The following GALNT6 variants were observed in gnomAD, a reference collection of about 807,000 sequenced individuals.
GALNT6 encodes GalNAc transferase 6.
Under a neutral mutation model 65.9 loss-of-function variants are expected in GALNT6, and 51 were observed. The observed-to-expected ratio is 0.77, with a 90% confidence interval of 0.62 to 0.98. The LOEUF (loss-of-function observed/expected upper bound fraction) is 0.98, where lower values mean the gene tolerates loss of function less well. GALNT6 is among the 50% of genes least tolerant of loss of function. The probability of loss-of-function intolerance (pLI) is 0.00; values close to 1 mark genes in which losing one functional copy is unlikely to be tolerated. For missense variants in GALNT6, 708 were observed against 803.3 expected, an observed-to-expected ratio of 0.88 and a Z score of 1.43; for synonymous variants, 323 against 315.1, an observed-to-expected ratio of 1.02 and a Z score of -0.26.
At chr12:51,380,521 A>G (rs138912055) in intron 2 of GALNT6, among the ~76,000 whole-genome samples, 81 of 152,366 alleles carry the variant, frequency 5.3e-4, no homozygotes, top group Middle Eastern at 3.4e-3. Context: ...ATGTAAAAAC[A>G]TGCTAAAATT....
At position 51,379,671 on chromosome 12, in the gene GALNT6, G is replaced by A. The variant is rs144049708; in HGVS notation, c.111C>T (p.Ala37=). Residue 37 remains alanine (A), a synonymous_variant, in exon 3 of 12, where the codon GCC becomes GCT. Coordinates refer to ENST00000356317, the MANE Select transcript of GALNT6 (RefSeq NM_007210.4). ...GGGACTTCAGCCACGGCTTCTCTGT[G>A]GCCTCCTCTCTGCTGCTCACATCCC... ...LHRDVSSREE[A]TEKPWLKSLV... 8.4e-4 allele frequency: 1,354 copies of A among 1,614,146 alleles called. 1 individual carries two copies. Among genetic ancestry groups the A allele is most frequent in the Middle Eastern group, 5.9e-3 (36 of 6,060 alleles).
intron 4 of GALNT6, among the ~76,000 whole-genome samples, chr12:51,368,224 G>A (rs1053059066): frequency 3.5e-5 from 5 of 144,818 alleles, no homozygotes; most frequent in African/African-American, 7.4e-5. Context: ...GCTTCCTCTC[G>A]CAGTCACCCA....
intron 2 of GALNT6, among the ~76,000 whole-genome samples, chr12:51,380,417 T>C (rs1448500685): frequency 2.0e-5 from 3 of 152,166 alleles, no homozygotes; most frequent in Admixed American, 6.5e-5. Context: ...TGACCAAGAA[T>C]GAACCACTTC....
At chr12:51,354,542 G>A (rs2288369) in intron 11 of GALNT6, 50 bp from the exon 12 acceptor site, 822,544 of 1,171,342 alleles carry the variant, frequency 0.7, 296,281 homozygotes, top group Non-Finnish European at 0.76. Flanking sequence ...ACCTCTTAAC[G>A]GTGCTACCAG....
At chr12:51,375,974 C>CCAG (rs1947440634) in intron 4 of GALNT6, among the ~76,000 whole-genome samples, 1 of 151,956 alleles carries the variant, frequency 6.6e-6, no homozygotes. Context: ...GATTCTTGTG[C>CCAG]CTCAGCCTCC....
chr12:51,367,008 A>C (rs960904489), intron 4 of GALNT6, among the ~76,000 whole-genome samples: 1 of 152,180 alleles, frequency 6.6e-6, no homozygotes, highest in African/African-American at 2.4e-5. Context: ...TCATGGCTGT[A>C]ATCCCAGTAC....
chr12:51,358,287 G>C (rs1394155215), intron 8 of GALNT6, 26 bp from the exon 9 acceptor site: 1 of 1,603,522 alleles, frequency 6.2e-7, no homozygotes, highest in African/African-American at 1.4e-5. Flanking sequence ...GCCCCCTAAG[G>C]ATCAGTTCCA....
intron 5 of GALNT6, 124 bp downstream of exon 5, chr12:51,365,306 T>C: frequency 1.1e-6 from 1 of 876,804 alleles, no homozygotes; most frequent in Non-Finnish European, 1.7e-6. Flanking sequence ...CTGGAGTGGG[T>C]CCCAAGCCTC....
intron 10 of GALNT6, 65 bp downstream of exon 10, chr12:51,357,284 C>T: frequency 9.4e-7 from 1 of 1,068,586 alleles, no homozygotes; most frequent in South Asian, 1.3e-5. Context: ...GGAAAGGACT[C>T]TTTAGGGTAG....
At chr12:51,356,180 A>ATG (rs990154107) in intron 10 of GALNT6, among the ~76,000 whole-genome samples, 1 of 146,878 alleles carries the variant, frequency 6.8e-6, no homozygotes, top group African/African-American at 2.5e-5. Flanking sequence ...GTATATATAT[A>ATG]TGTGTGTATA....
intron 11 of GALNT6, 51 bp downstream of exon 11, chr12:51,355,755 C>T: frequency 1.3e-6 from 2 of 1,576,442 alleles, no homozygotes; most frequent in Non-Finnish European, 8.7e-7. Context: ...GCGTGAGCCA[C>T]CACACCTGGC....
chr12:51,360,900 G>A, intron 6 of GALNT6, 62 bp from the exon 7 acceptor site: 1 of 1,172,230 alleles, frequency 8.5e-7, no homozygotes, highest in Non-Finnish European at 1.3e-6. Flanking sequence ...AGCCTGGCGG[G>A]GAAAGCTGTT....
chr12:51,378,160 G>C (rs183913097), intron 3 of GALNT6, among the ~76,000 whole-genome samples: 6 of 152,084 alleles, frequency 3.9e-5, no homozygotes, highest in Admixed American at 3.9e-4. Context: ...TCTTCTCTCT[G>C]TCTGTTTTTT....
chr12:51,362,270 C>A lies in GALNT6; in HGVS notation c.1050-1432G>T, dbSNP rs140184251. On this transcript the variant is annotated intron_variant, in intron 6 of 11. Transcript: ENST00000356317. ...GGATTAGCCATGAGGACAAACCCTG[C>A]ATGGGAAGCTTCACTGTAAATTCAC... Among the ~76,000 whole-genome samples, 533 of 152,306 alleles carry A rather than the reference C, an allele frequency of 3.5e-3. 2 individuals carry two copies. The highest frequency in any genetic ancestry group is 0.012 in the African/African-American group (515 of 41,558).
intron 2 of GALNT6, among the ~76,000 whole-genome samples, chr12:51,383,899 G>A (rs115320249): frequency 6.8e-4 from 104 of 152,238 alleles, no homozygotes; most frequent in African/African-American, 2.4e-3. Flanking sequence ...TAGCAAGGTC[G>A]TGGAGGTCGC....
chr12:51,353,373 T>A lies in GALNT6; in HGVS notation c.*1006A>T, dbSNP rs1304349115. 6.6e-6 allele frequency: 1 copy of A among 152,042 alleles called. No homozygotes were observed. The highest frequency in any genetic ancestry group is 1.5e-5 in the Non-Finnish European group (1 of 68,194). The allele number at this position is 152,042 out of a possible 1,614,324, so 9.4% of individuals were successfully genotyped here. A position where few individuals can be genotyped will look rare whatever the true frequency, so the allele number is the denominator to read the frequency against. On this transcript the variant is annotated 3_prime_UTR_variant, in exon 12 of 12. Coordinates refer to ENST00000356317, the MANE Select transcript of GALNT6 (RefSeq NM_007210.4). ...TGTCTGTTAGAATATACTTTTTTTT[T>A]TTTTTTTTTTCCTGAGATGGAGTTT...
chr12:51,362,379 C>A (rs1946950901), intron 6 of GALNT6, among the ~76,000 whole-genome samples: 1 of 152,172 alleles, frequency 6.6e-6, no homozygotes, highest in South Asian at 2.1e-4. Flanking sequence ...TCCTCTTAGG[C>A]TCTGGTTGGC....
chr12:51,354,766 C>T (rs912393819), intron 11 of GALNT6, among the ~76,000 whole-genome samples: 1 of 152,122 alleles, frequency 6.6e-6, no homozygotes, highest in African/African-American at 2.4e-5. Context: ...TTCAGGGCCT[C>T]CCGCACCCCC....
rs1466731639 is a variant in GALNT6 at position 51,365,645 on chromosome 12, C to A, written c.665-66G>T. On this transcript the variant is annotated intron_variant, in intron 4 of 11. Transcript: ENST00000356317. ...CTGTATACCCAATCCCCTGTGGGCA[C>A]CAAGCTAGGGGCTCTCAGGCCTCTA... 17 of 1,526,978 alleles carry A rather than the reference C, an allele frequency of 1.1e-5. No individual in the cohort carries two copies. The Admixed American group carries it at 2.8e-4, about 25-fold the overall frequency. 94.6% of individuals were successfully genotyped at this position (1,526,978 alleles called of 1,614,324 possible).
Sources: allele counts gnomAD v4.1 joint callset (sites outside exome capture counted in the v4.1 genomes callset), GRCh38; gene constraint gnomAD v4.1.1; transcripts MANE v1.5; gene names NCBI Gene and HGNC (gene_info 2026-07-23, HGNC 2026-07-21).